Variants in COA1 observed in about 807,000 individuals in gnomAD.
The protein encoded by COA1 is cytochrome c oxidase assembly factor 1.
A neutral mutation model predicts 16.0 loss-of-function variants in COA1; 13 were observed. The ratio of observed to expected loss-of-function variants is 0.81; its 90% CI spans 0.53 to 1.29. COA1 has a LOEUF of 1.29. Ranked by LOEUF, COA1 falls within the 50% of genes most tolerant of loss-of-function variation. The pLI is 0.00. For missense variants in COA1, 179 were observed against 177.0 expected (o/e 1.01, Z -0.06); for synonymous variants, 65 against 65.7 (o/e 0.99, Z 0.05).
At chr7:43,715,413 C>A (rs954407486) in intron 1 of COA1, among the ~76,000 whole-genome samples, 1 of 149,912 alleles carries the variant, frequency 6.7e-6, no homozygotes, top group Non-Finnish European at 1.5e-5. Flanking sequence ...GGGAGGCAGA[C>A]GTTGCAGTGA....
intron 1 of COA1, chr7:43,655,927 A>C (rs997281249): frequency 2.6e-5 from 4 of 152,218 alleles, no homozygotes; most frequent in African/African-American, 9.7e-5. Flanking sequence ...TTGCTACATA[A>C]AAAGACCACG....
intron 3 of COA1, chr7:43,646,512 G>A: frequency 6.6e-6 from 3 of 455,366 alleles, no homozygotes; most frequent in Non-Finnish European, 4.4e-6. Flanking sequence ...TCAAGAGCTG[G>A]AGCCGAGATT....
intron 1 of COA1, among the ~76,000 whole-genome samples, chr7:43,695,184 G>C (rs2094491480): frequency 6.6e-6 from 1 of 150,768 alleles, no homozygotes; most frequent in South Asian, 2.1e-4. Flanking sequence ...AGAGCAACTA[G>C]TGTGATCCTT....
downstream of COA1, among the ~76,000 whole-genome samples, chr7:43,634,409 C>T (rs971186999): frequency 6.6e-6 from 1 of 152,164 alleles, no homozygotes; most frequent in Non-Finnish European, 1.5e-5. Context: ...TGAATACAGG[C>T]AGGGGGAGGG....
At chr7:43,715,136 C>G (rs12672864) in intron 1 of COA1, among the ~76,000 whole-genome samples, 12,535 of 151,010 alleles carry the variant, frequency 0.083, 609 homozygotes, top group East Asian at 0.19. Context: ...AAGCTTGAAA[C>G]ACACCAAGTA....
At chr7:43,622,166 A>G (rs555886998) in intron 6 of COA1, 1 of 152,316 alleles carries the variant, frequency 6.6e-6, no homozygotes, top group African/African-American at 2.4e-5. Context: ...CAGTCTTGCT[A>G]TGTGGTCTGT....
At chr7:43,624,010 C>A in intron 6 of COA1, 1 of 658,232 alleles carries the variant, frequency 1.5e-6, no homozygotes, top group South Asian at 4.7e-5. Context: ...TTCTAAAACA[C>A]CATAATGGAA....
intron 1 of COA1, among the ~76,000 whole-genome samples, chr7:43,651,167 AG>A (rs1238148251): frequency 6.6e-6 from 1 of 152,234 alleles, no homozygotes; most frequent in African/African-American, 2.4e-5. Flanking sequence ...TCTAGTAAGA[AG>A]TGAAAATTTA....
chr7:43,725,722 G>A lies in COA1; in HGVS notation c.-39+3707C>T, dbSNP rs562366264. Among the ~76,000 whole-genome samples, 22 of 152,090 alleles carry A rather than the reference G, an allele frequency of 1.4e-4. No individual in the cohort carries two copies. In the South Asian group the frequency reaches 4.2e-3, roughly 29 times the overall value. On this transcript the variant is annotated intron_variant, in intron 1 of 5. Transcript: ENST00000223336. ...TAAAACAAAAAAATTAGCTGGGCAT[G>A]GTGGCAGTCACCTGTAATCTCAGCT...
chr7:43,706,588 G>A (rs1472007239), intron 1 of COA1, among the ~76,000 whole-genome samples: 1 of 151,894 alleles, frequency 6.6e-6, no homozygotes, highest in East Asian at 1.9e-4. Context: ...AAAAAACCCA[G>A]CCAGGTGCAG....
intron 4 of COA1, among the ~76,000 whole-genome samples, chr7:43,643,839 C>T (rs1032693996): frequency 6.6e-6 from 1 of 152,222 alleles, no homozygotes; most frequent in African/African-American, 2.4e-5. Context: ...ATCAGAATAC[C>T]AGAGCATGAA....
At position 43,639,432 on chromosome 7, in the gene COA1, C is replaced by T; in HGVS notation, c.*150G>A. 1.8e-6 allele frequency: 1 copy of T among 568,918 alleles called. No individual in the cohort carries two copies. The highest frequency in any genetic ancestry group is 2.6e-5 in the South Asian group (1 of 38,620). 35.2% of individuals were successfully genotyped at this position (568,918 alleles called of 1,614,324 possible). A position where few individuals can be genotyped will look rare whatever the true frequency, so the allele number is the denominator to read the frequency against. On this transcript the variant is annotated 3_prime_UTR_variant, in exon 6 of 6. Coordinates refer to ENST00000223336, the MANE Select transcript of COA1 (RefSeq NM_018224.4). The stretch of plus-strand genomic sequence containing the variant: ...CAAGTTAGAATTACACCAAAATTAC[C>T]ATGTGCTGGCACATACCATCATCCC...
intron 1 of COA1, among the ~76,000 whole-genome samples, chr7:43,663,539 C>T (rs890404801): frequency 6.6e-6 from 1 of 151,850 alleles, no homozygotes; most frequent in African/African-American, 2.4e-5. Flanking sequence ...GGGCTCGTGC[C>T]TGTGGTCCCA....
chr7:43,626,929 T>C lies in COA1; in HGVS notation c.*133+12520A>G, dbSNP rs531965488. The stretch of plus-strand genomic sequence containing the variant: ...TTCAGAATATACTTGTAAAGGTGTA[T>C]TGGCATTTTTTGGTTTATAAGATAA... On this transcript the variant is annotated intron_variant and NMD_transcript_variant, in intron 6 of 6. Coordinates refer to the COA1 transcript ENST00000415076. 10 of 152,310 alleles carry C rather than the reference T, an allele frequency of 6.6e-5. No homozygotes were observed. The South Asian group carries it at 1.2e-3, about 19-fold the overall frequency. The allele number at this position is 152,310 out of a possible 1,614,324, so 9.4% of individuals were successfully genotyped here.
chr7:43,713,338 G>A (rs2095308381), intron 1 of COA1, among the ~76,000 whole-genome samples: 1 of 152,076 alleles, frequency 6.6e-6, no homozygotes, highest in Non-Finnish European at 1.5e-5. Flanking sequence ...CTTCTGGTAA[G>A]AACACTCAAA....
chr7:43,630,993 G>C (rs1043258210), intron 6 of COA1, among the ~76,000 whole-genome samples: 3 of 152,078 alleles, frequency 2.0e-5, no homozygotes, highest in Admixed American at 6.6e-5. Context: ...ACTCAAGGAG[G>C]AAAGTCTATT....
At chr7:43,619,895 G>C (rs748837966) in intron 6 of COA1, among the ~76,000 whole-genome samples, 7 of 152,214 alleles carry the variant, frequency 4.6e-5, no homozygotes, top group African/African-American at 2.4e-5. Flanking sequence ...TCAAGAGTAA[G>C]ATACCAAATT....
chr7:43,680,849 T>TA (rs1236889302), intron 1 of COA1, among the ~76,000 whole-genome samples: 3 of 152,184 alleles, frequency 2.0e-5, no homozygotes, highest in African/African-American at 7.2e-5. Flanking sequence ...CGTGTGCCTG[T>TA]AGTTGCAGCT....
chr7:43,672,265 A>C (rs910787224), intron 1 of COA1, among the ~76,000 whole-genome samples: 2 of 152,198 alleles, frequency 1.3e-5, no homozygotes, highest in Non-Finnish European at 2.9e-5. Context: ...AGATGCAAAA[A>C]TCCTCAATAA....
Sources: allele counts gnomAD v4.1 joint callset (sites outside exome capture counted in the v4.1 genomes callset), GRCh38; gene constraint gnomAD v4.1.1; transcripts MANE v1.5; gene names NCBI Gene and HGNC (gene_info 2026-07-23, HGNC 2026-07-21).